The following DNM3 variants were observed in gnomAD, a reference collection of about 807,000 sequenced individuals.
DNM3 encodes dynamin-3.
A neutral mutation model predicts 101.6 loss-of-function variants in DNM3; 47 were observed. The ratio of observed to expected loss-of-function variants is 0.46; its 90% CI spans 0.37 to 0.59. The LOEUF is 0.59. Among genes scored for constraint, DNM3 ranks in the 20% least tolerant of loss-of-function variants. DNM3 has a pLI of 0.00. For synonymous variants in DNM3, 385 were observed against 387.9 expected, an observed-to-expected ratio of 0.99 and a Z score of 0.09; for missense variants, 849 against 1,085.7, an observed-to-expected ratio of 0.78 and a Z score of 3.06.
chr1:171,897,367 A>C (rs1048691072), intron 1 of DNM3, among the ~76,000 whole-genome samples: 1 of 152,136 alleles, frequency 6.6e-6, no homozygotes, highest in Non-Finnish European at 1.5e-5. Flanking sequence ...CTTTTTTCTA[A>C]TTAGAATATT....
intron 2 of DNM3, among the ~76,000 whole-genome samples, chr1:171,938,718 T>G (rs192006386): frequency 1.3e-5 from 2 of 152,196 alleles, no homozygotes; most frequent in Admixed American, 1.3e-4. Flanking sequence ...AGATACATCA[T>G]ACATATATTA....
chr1:172,361,157 T>G (rs1388147488), intron 17 of DNM3, among the ~76,000 whole-genome samples: 1 of 152,002 alleles, frequency 6.6e-6, no homozygotes, highest in Admixed American at 6.6e-5. Context: ...GCACTTGTTC[T>G]CGTTTCACTG....
intron 17 of DNM3, among the ~76,000 whole-genome samples, chr1:172,351,191 A>G (rs1447326716): frequency 6.6e-6 from 1 of 152,172 alleles, no homozygotes; most frequent in Non-Finnish European, 1.5e-5. Flanking sequence ...CAATTAAAAA[A>G]ATTTAGATAT....
Position 172,408,033 on chromosome 1 carries a change from T to G in DNM3, c.*192T>G. 1 of 1,434,264 alleles carries G rather than the reference T, an allele frequency of 7.0e-7. No homozygotes were observed. Among genetic ancestry groups the G allele is most frequent in the Non-Finnish European group, 9.1e-7 (1 of 1,094,150 alleles). 88.8% of individuals were successfully genotyped at this position (1,434,264 alleles called of 1,614,324 possible). ...AACCTTTGGGGTTTGACTCAGAAAC[T>G]GCTAACCTTTTAGAGGCTTTATATG... is the stretch of plus-strand genomic sequence containing the variant. On this transcript the variant is annotated 3_prime_UTR_variant, in exon 21 of 21. Coordinates refer to ENST00000627582, the MANE Select transcript of DNM3 (RefSeq NM_015569.5).
chr1:172,012,744 G>A (rs969877083), intron 4 of DNM3, among the ~76,000 whole-genome samples: 2 of 151,896 alleles, frequency 1.3e-5, no homozygotes, highest in African/African-American at 2.4e-5. Context: ...CCTGCCAGCG[G>A]AGTGACAGTA....
intron 4 of DNM3, among the ~76,000 whole-genome samples, chr1:172,018,226 T>A (rs1442078026): frequency 7.9e-5 from 12 of 152,176 alleles, no homozygotes; most frequent in Non-Finnish European, 5.9e-5. Flanking sequence ...TGAATTAATA[T>A]CTATTATATT....
At chr1:172,192,711 A>AT (rs1485880808) in intron 14 of DNM3, among the ~76,000 whole-genome samples, 2 of 151,774 alleles carry the variant, frequency 1.3e-5, no homozygotes, top group Non-Finnish European at 2.9e-5. Context: ...TGAACTCATC[A>AT]TTTTTTATGG....
intron 17 of DNM3, among the ~76,000 whole-genome samples, chr1:172,339,672 C>G (rs918730167): frequency 1.3e-5 from 2 of 152,120 alleles, no homozygotes; most frequent in Non-Finnish European, 2.9e-5. Flanking sequence ...AGCCTACAAG[C>G]CCACCGTCTT....
chr1:172,350,317 TGTGTG>T (rs896112711), intron 17 of DNM3, among the ~76,000 whole-genome samples: 2 of 440 alleles, frequency 4.5e-3, no homozygotes, highest in Non-Finnish European at 0.022. Flanking sequence ...CATTTTATCT[TGTGTG>T]TGTGTGTGTG....
chr1:172,387,204 G>A lies in DNM3; in HGVS notation c.2130G>A (p.Glu710=). 6.2e-7 allele frequency: 1 copy of A among 1,614,014 alleles called. No homozygotes were observed. Among genetic ancestry groups the A allele is most frequent in the Non-Finnish European group, 8.5e-7 (1 of 1,179,884 alleles). The change falls in exon 19 of 21, where the codon GAG becomes GAA. Residue 710 remains glutamate (E), a synonymous_variant. Coordinates refer to ENST00000627582, the MANE Select transcript of DNM3 (RefSeq NM_015569.5). ...YSSEDQNTLM[E]ESAEQAQRRD... ...CAGAGGACCAAAATACCCTGATGGA[G>A]GAATCTGCTGAGCAGGCTCAGCGCC...
chr1:172,387,706 C>T (rs1006825753), intron 19 of DNM3, among the ~76,000 whole-genome samples: 2 of 115,786 alleles, frequency 1.7e-5, no homozygotes, highest in East Asian at 5.6e-4. Flanking sequence ...AGCCCTGCCA[C>T]GCTTGTCCAA....
chr1:172,241,632 A>G (rs1404439163), intron 14 of DNM3, among the ~76,000 whole-genome samples: 1 of 152,096 alleles, frequency 6.6e-6, no homozygotes, highest in Non-Finnish European at 1.5e-5. Flanking sequence ...AATGGCTCAC[A>G]AAACAGAATT....
At chr1:172,114,387 T>C (rs1279021488) in intron 13 of DNM3, among the ~76,000 whole-genome samples, 1 of 152,106 alleles carries the variant, frequency 6.6e-6, no homozygotes, top group Non-Finnish European at 1.5e-5. Flanking sequence ...CTAAGACACT[T>C]TCTGTTTTTA....
At chr1:172,256,479 T>C (rs2062403207) in intron 15 of DNM3, among the ~76,000 whole-genome samples, 1 of 152,074 alleles carries the variant, frequency 6.6e-6, no homozygotes, top group Non-Finnish European at 1.5e-5. Flanking sequence ...TTGCTTTAAA[T>C]ATATTGCACC....
At chr1:171,857,363 T>C (rs574637941) in intron 1 of DNM3, among the ~76,000 whole-genome samples, 2 of 152,194 alleles carry the variant, frequency 1.3e-5, no homozygotes, top group African/African-American at 4.8e-5. Flanking sequence ...TGATTACAAA[T>C]GGTGAGTGAC....
chr1:172,113,728 G>A (rs1012025395), intron 13 of DNM3, among the ~76,000 whole-genome samples: 1 of 151,238 alleles, frequency 6.6e-6, no homozygotes, highest in Non-Finnish European at 1.5e-5. Flanking sequence ...TGCCCAAAGC[G>A]TTTACACAAA....
chr1:171,974,525 A>G (rs2044236899), intron 2 of DNM3, among the ~76,000 whole-genome samples: 1 of 152,202 alleles, frequency 6.6e-6, no homozygotes, highest in African/African-American at 2.4e-5. Flanking sequence ...TATCATAGCT[A>G]AGTATTAATT....
At chr1:171,861,318 AG>A (rs1353257866) in intron 1 of DNM3, among the ~76,000 whole-genome samples, 2 of 152,164 alleles carry the variant, frequency 1.3e-5, no homozygotes, top group Non-Finnish European at 2.9e-5. Context: ...AAACAAAACA[AG>A]TTGAAGGACT....
chr1:172,107,656 C>G (rs2055160967), intron 13 of DNM3, among the ~76,000 whole-genome samples: 1 of 152,212 alleles, frequency 6.6e-6, no homozygotes, highest in African/African-American at 2.4e-5. Flanking sequence ...AAGGATGCCA[C>G]TAGTTCATTA....
Sources: allele counts gnomAD v4.1 joint callset (sites outside exome capture counted in the v4.1 genomes callset), GRCh38; gene constraint gnomAD v4.1.1; transcripts MANE v1.5; gene names NCBI Gene and HGNC (gene_info 2026-07-23, HGNC 2026-07-21).